UGT2B7: variants seen among roughly 807,000 people sequenced by gnomAD.
UGT2B7 encodes the protein UDP glucuronosyltransferase family 2 member B7.
A neutral mutation model predicts 51.9 loss-of-function variants in UGT2B7; 51 were observed. That is an observed-to-expected ratio of 0.98 (90% CI 0.78 to 1.24). The LOEUF (loss-of-function observed/expected upper bound fraction) is 1.24, where lower values mean the gene tolerates loss of function less well. Ranked by LOEUF, UGT2B7 falls within the 50% of genes most tolerant of loss-of-function variation. The pLI, the probability that UGT2B7 is intolerant of heterozygous loss-of-function variation, is 0.00. For missense variants in UGT2B7, 727 were observed against 628.4 expected (o/e 1.16, Z -1.68); for synonymous variants, 225 against 211.6 (o/e 1.06, Z -0.55).
At chr4:69,104,367 A>G (rs931957252) in intron 3 of UGT2B7, among the ~76,000 whole-genome samples, 3 of 152,246 alleles carry the variant, frequency 2.0e-5, no homozygotes, top group African/African-American at 7.2e-5. Flanking sequence ...AGATATTGCT[A>G]ATGTATTTTA....
At chr4:69,078,910 A>G (rs1392900659) in intron 1 of UGT2B7, among the ~76,000 whole-genome samples, 1 of 152,152 alleles carries the variant, frequency 6.6e-6, no homozygotes, top group Non-Finnish European at 1.5e-5. Context: ...ACATCCTGCC[A>G]TACTTGGGTT....
intron 5 of UGT2B7, 66 bp downstream of exon 5, chr4:69,108,388 TGA>T: frequency 6.4e-7 from 1 of 1,554,414 alleles, no homozygotes; most frequent in Non-Finnish European, 8.8e-7. Context: ...ATAGTGAGTG[TGA>T]GTTTCATCCT....
Position 69,102,897 on chromosome 4 carries a change from G to T in UGT2B7, c.961G>T (p.Ala321Ser). Residue 321 changes from alanine (A) to serine (S), a missense_variant, in exon 3 of 6, where the codon GCC becomes TCC. Ala to Ser is a moderately conservative substitution (Grantham distance 99). Coordinates refer to ENST00000305231, the MANE Select transcript of UGT2B7 (RefSeq NM_001074.4). ...SMVSNMTEERANVIASALAQI... is the reference protein window; with the variant it reads ...SMVSNMTEERSNVIASALAQI... Reference sequence around the variant, plus strand: ...GGTCAGTAACATGACAGAAGAAAGGGCCAACGTAATTGCATCAGCCCTGGC... The same window carrying T: ...GGTCAGTAACATGACAGAAGAAAGGTCCAACGTAATTGCATCAGCCCTGGC... 6.2e-7 allele frequency: 1 copy of T among 1,613,574 alleles called. No homozygotes were observed. Among genetic ancestry groups the T allele is most frequent in the Non-Finnish European group, 8.5e-7 (1 of 1,179,680 alleles).
At chr4:69,072,772 G>A (rs1197244068) in intron 1 of UGT2B7, among the ~76,000 whole-genome samples, 1 of 152,006 alleles carries the variant, frequency 6.6e-6, no homozygotes, top group African/African-American at 2.4e-5. Context: ...TGGCAAAGGA[G>A]GAATATTTAC....
chr4:69,084,330 T>TTCTCTCTCTCTCTCTCTCTCTC (rs71204073), intron 1 of UGT2B7, among the ~76,000 whole-genome samples: 2,672 of 148,166 alleles, frequency 0.018, 39 homozygotes, highest in East Asian at 0.068. Flanking sequence ...TCTATAAATT[T>TTCTCTCTCTCTCTCTCTCTCTC]TCTCTCTCTC....
At chr4:69,083,959 T>A (rs1718892318) in intron 1 of UGT2B7, among the ~76,000 whole-genome samples, 1 of 152,090 alleles carries the variant, frequency 6.6e-6, no homozygotes, top group African/African-American at 2.4e-5. Flanking sequence ...TTGTTCCAGA[T>A]CTTAGAGACA....
intron 2 of UGT2B7, among the ~76,000 whole-genome samples, chr4:69,100,148 G>A (rs1315481283): frequency 6.6e-6 from 1 of 151,886 alleles, no homozygotes; most frequent in African/African-American, 2.4e-5. Flanking sequence ...GATTTTTGCC[G>A]TATGACAAGC....
chr4:69,051,612 G>T (rs1298742730), intron 1 of UGT2B7: 1 of 152,388 alleles, frequency 6.6e-6, no homozygotes, highest in African/African-American at 2.4e-5. Flanking sequence ...GGTAAGACTA[G>T]TCTTTGGAAC....
At chr4:69,094,473 T>C (rs1029524343), upstream of UGT2B7, among the ~76,000 whole-genome samples, 1 of 152,290 alleles carries the variant, frequency 6.6e-6, no homozygotes, top group African/African-American at 2.4e-5. Context: ...TAAAAAGTTA[T>C]GTTTACACAA....
At chr4:69,077,546 A>G (rs72852429) in intron 1 of UGT2B7, among the ~76,000 whole-genome samples, 27,587 of 151,250 alleles carry the variant, frequency 0.18, 2,681 homozygotes, top group East Asian at 0.39. Context: ...CTTTGTGTCA[A>G]TTGGGAATGG....
chr4:69,111,419 T>C (rs1719766556), intron 5 of UGT2B7, among the ~76,000 whole-genome samples: 1 of 152,140 alleles, frequency 6.6e-6, no homozygotes, highest in Admixed American at 6.5e-5. Context: ...TGACTAGCTA[T>C]GAGGCACGTC....
intron 1 of UGT2B7, among the ~76,000 whole-genome samples, chr4:69,056,198 T>A (rs575953141): frequency 6.6e-6 from 1 of 152,294 alleles, no homozygotes; most frequent in African/African-American, 2.4e-5. Context: ...ATTAAAAAGA[T>A]AATAAATGGC....
At chr4:69,085,706 T>A (rs1441145562) in intron 1 of UGT2B7, among the ~76,000 whole-genome samples, 1 of 151,956 alleles carries the variant, frequency 6.6e-6, no homozygotes, top group Non-Finnish European at 1.5e-5. Context: ...TTCAGTCTTG[T>A]TACTCATTAT....
chr4:69,087,172 C>G (rs1472444443), intron 1 of UGT2B7, among the ~76,000 whole-genome samples: 2 of 151,268 alleles, frequency 1.3e-5, no homozygotes, highest in Non-Finnish European at 3.0e-5. Context: ...AAGTAATTTT[C>G]TCTAGTAATA....
intron 1 of UGT2B7, among the ~76,000 whole-genome samples, 180 bp downstream of exon 1, chr4:69,097,421 A>G (rs1202582389): frequency 1.3e-5 from 2 of 152,114 alleles, no homozygotes; most frequent in Admixed American, 1.3e-4. Flanking sequence ...TTACAGGGTC[A>G]GTTAAAACCC....
At chr4:69,063,193 C>A (rs1460115329) in intron 1 of UGT2B7, among the ~76,000 whole-genome samples, 3 of 150,128 alleles carry the variant, frequency 2.0e-5, no homozygotes, top group African/African-American at 7.4e-5. Context: ...GTGGCGGGCG[C>A]CTGTAGTCCC....
At chr4:69,066,157 A>C (rs1055273004) in intron 1 of UGT2B7, among the ~76,000 whole-genome samples, 1 of 152,184 alleles carries the variant, frequency 6.6e-6, no homozygotes, top group Admixed American at 6.5e-5. Flanking sequence ...CACTCATAGA[A>C]CAAGGTACAT....
rs747827733 is a variant in UGT2B7, at chr4:69,096,955, T to G, written c.435T>G (p.Phe145Leu). 4.3e-6 allele frequency: 7 copies of G among 1,613,596 alleles called. No individual in the cohort carries two copies. The East Asian group carries it at 1.6e-4, about 36-fold the overall frequency. Residue 145 changes from phenylalanine to leucine, a missense_variant, in exon 1 of 6, where the codon TTT becomes TTG. Phe to Leu is a conservative substitution (Grantham distance 22, BLOSUM62 0). Transcript: ENST00000305231. ...KFMKKVQESR[F>L]DVIFADAIFP... ...TGAAAAAAGTACAAGAGTCAAGATT[T>G]GACGTCATTTTTGCAGATGCTATTT...
intron 1 of UGT2B7, among the ~76,000 whole-genome samples, chr4:69,068,531 G>C (rs192894029): frequency 6.6e-6 from 1 of 151,830 alleles, no homozygotes; most frequent in Non-Finnish European, 1.5e-5. Flanking sequence ...TATTATATTA[G>C]TAATAGCAAT....
Sources: allele counts gnomAD v4.1 joint callset (sites outside exome capture counted in the v4.1 genomes callset), GRCh38; gene constraint gnomAD v4.1.1; transcripts MANE v1.5; gene names NCBI Gene and HGNC (gene_info 2026-07-23, HGNC 2026-07-21).